The following TTN variants were observed in gnomAD, a reference collection of about 807,000 sequenced individuals.
TTN encodes the protein titin, also known as connectin.
A neutral mutation model predicts 3,223.0 loss-of-function variants in TTN; 1,525 were observed. That is an observed-to-expected ratio of 0.47 (90% confidence interval 0.45 to 0.49). The LOEUF is 0.49. TTN is among the 20% of genes least tolerant of loss of function. The probability of loss-of-function intolerance (pLI) is 0.00; values close to 1 mark genes in which losing one functional copy is unlikely to be tolerated. For synonymous variants in TTN, 14,094 were observed against 15,161.0 expected (o/e 0.93, Z 5.17); for missense variants, 40,786 against 43,424.0 (o/e 0.94, Z 5.40).
At chr2:178,580,796 C>G (rs907354123) in intron 316 of TTN, 187 bp from the exon 317 acceptor site, 2 of 648,302 alleles carry the variant, frequency 3.1e-6, no homozygotes, top group African/African-American at 3.7e-5. Context: ...TTCCATTTTC[C>G]ACTATGCTTT....
chr2:178,769,008 A>G, intron 37 of TTN, 75 bp from the exon 38 acceptor site: 1 of 1,554,310 alleles, frequency 6.4e-7, no homozygotes, highest in Non-Finnish European at 8.8e-7. Flanking sequence ...GGTGCAGAAT[A>G]AAAATTTGGA....
At position 178,683,291 on chromosome 2, in the gene TTN, A is replaced by G; in HGVS notation, c.32807T>C (p.Val10936Ala). 1 of 1,502,380 alleles carries G rather than the reference A, an allele frequency of 6.7e-7. No individual in the cohort carries two copies. The highest frequency in any genetic ancestry group is 9.0e-7 in the Non-Finnish European group (1 of 1,112,558). 93.1% of individuals were successfully genotyped at this position (1,502,380 alleles called of 1,614,324 possible). A position where few individuals can be genotyped will look rare whatever the true frequency, so the allele number is the denominator to read the frequency against. Residue 10936 changes from valine (V) to alanine (A), a missense_variant and splice_region_variant, in exon 134 of 363, where the codon GTG becomes GCG. Physicochemically the swap from Val to Ala is moderately conservative, Grantham distance 64. Coordinates refer to ENST00000589042, the MANE Select transcript of TTN (RefSeq NM_001267550.2). Reference sequence around the variant, plus strand: ...AACCACTCTTTTTCTGAATTCAGTCACTTTAAAGGAGTAATTATTAAAAGT... The same window carrying G: ...AACCACTCTTTTTCTGAATTCAGTCGCTTTAAAGGAGTAATTATTAAAAGT... ...PKREEEPPAK[V>A]TEFRKRVVKE...
chr2:178,607,385 G>A lies in TTN; in HGVS notation c.53287+16C>T. 2 of 1,612,862 alleles carry A rather than the reference G, an allele frequency of 1.2e-6. No homozygotes were observed. Among genetic ancestry groups the A allele is most frequent in the Non-Finnish European group, 1.7e-6 (2 of 1,179,312 alleles). On this transcript the variant is annotated intron_variant, in intron 277 of 362. Coordinates refer to ENST00000589042, the MANE Select transcript of TTN (RefSeq NM_001267550.2). ...ACTTGGGAAAATCCTGTGAAAATCA[G>A]TGCAACATTCCTTACCAAAAACTTC...
At position 178,775,758 on chromosome 2, in the gene TTN, C is replaced by G. The variant is rs1266883762; in HGVS notation, c.6106G>C (p.Asp2036His). The change falls in exon 28 of 363, where the codon GAT becomes CAT. Residue 2036 changes from aspartate to histidine, a missense_variant. Transcript: ENST00000589042. ...TCTTTGGTCCAGTGGAGAAGTTCAT[C>G]TTTTGTCTTCCTGAGGAGTTCCTCA... ...SYEELLRKTK[D>H]ELLHWTKELT... 1 of 1,613,820 alleles carries G rather than the reference C, an allele frequency of 6.2e-7. No individual in the cohort carries two copies.
At position 178,588,123 on chromosome 2, in the gene TTN, G is replaced by A. The variant is rs538105258; in HGVS notation, c.63284C>T (p.Pro21095Leu). The A allele has an allele frequency of 6.2e-6, 10 of 1,612,676 alleles. No homozygotes were observed. The Admixed American group carries it at 6.7e-5, about 11-fold the overall frequency. ...WGKPVYDGGA[P>L]IIGYVVEMRP... ...CATTTCCACAACATATCCAATGATC[G>A]GTGCACCACCATCATAGACTGGTTT... The change falls in exon 305 of 363, where the codon CCG (proline) becomes CTG (leucine). Residue 21095 changes from proline to leucine, a missense_variant. Coordinates refer to ENST00000589042, the MANE Select transcript of TTN (RefSeq NM_001267550.2).
rs1158023438 is a variant in TTN at position 178,607,125 on chromosome 2, C to T, written c.53477G>A (p.Gly17826Asp). The stretch of plus-strand genomic sequence containing the variant: ...CTTATATTCTTGTCCCTCAAGCAGA[C>T]CTGTGATGTCACATTTAGATCTCTC... ...ETERSKCDIT[G>D]LLEGQEYKFR... Residue 17826 changes from glycine (G) to aspartate (D), a missense_variant, in exon 278 of 363, where the codon GGT becomes GAT. Transcript: ENST00000589042. 6.2e-7 allele frequency: 1 copy of T among 1,612,876 alleles called. No homozygotes were observed. Among genetic ancestry groups the T allele is most frequent in the Admixed American group, 1.7e-5 (1 of 59,966 alleles).
chr2:178,565,085 G>A lies in TTN; in HGVS notation c.81047C>T (p.Thr27016Ile). ...SNYIVEKRDTTTTTWHMVSAT... is the reference protein window; with the variant it reads ...SNYIVEKRDTITTTWHMVSAT... The stretch of plus-strand genomic sequence containing the variant: ...TGATACCATGTGCCAAGTGGTGGTG[G>A]TTGTATCTCGCTTCTCTACAATGTA... Residue 27016 changes from threonine to isoleucine, a missense_variant, in exon 326 of 363, where the codon ACC (threonine) becomes ATC (isoleucine). Transcript: ENST00000589042. 6.2e-7 allele frequency: 1 copy of A among 1,613,596 alleles called. No individual in the cohort carries two copies. Among genetic ancestry groups the A allele is most frequent in the Non-Finnish European group, 8.5e-7 (1 of 1,179,642 alleles).
chr2:178,769,694 T>A lies in TTN; in HGVS notation c.8887A>T (p.Thr2963Ser). The change falls in exon 37 of 363, where the codon ACC (threonine) becomes TCC (serine). Residue 2963 changes from threonine (T) to serine (S), a missense_variant. Physicochemically the swap from Thr to Ser is moderately conservative, Grantham distance 58 (BLOSUM62 1). Transcript: ENST00000589042. Reference protein sequence around the residue: ...FVCGNDQVSATLTVTPIMITS... With the variant: ...FVCGNDQVSASLTVTPIMITS... The stretch of plus-strand genomic sequence containing the variant: ...TTTAACTTACGGGTGACTGTCAGGG[T>A]GGCACTGACTTGGTCATTGCCACAG... The A allele has an allele frequency of 6.3e-7, 1 of 1,593,928 alleles. No individual in the cohort carries two copies. Among genetic ancestry groups the A allele is most frequent in the Non-Finnish European group, 8.5e-7 (1 of 1,173,464 alleles).
chr2:178,720,765 C>A, intron 79 of TTN, 102 bp from the exon 80 acceptor site: 2 of 1,378,634 alleles, frequency 1.5e-6, no homozygotes, highest in Non-Finnish European at 1.9e-6. Context: ...GATCATATGA[C>A]AATACATGCT....
chr2:178,554,398 G>A lies in TTN; in HGVS notation c.88894+55C>T, dbSNP rs562667232. 117 of 1,560,338 alleles carry A rather than the reference G, an allele frequency of 7.5e-5. No homozygotes were observed. The Middle Eastern group carries it at 1.7e-3, about 22-fold the overall frequency. On this transcript the variant is annotated intron_variant, in intron 332 of 362. Transcript: ENST00000589042. ...AATTAAAGCATATGCACAGGTTAGC[G>A]TAGTTTATTTTTAAATTTTTCACGT... is the stretch of plus-strand genomic sequence containing the variant.
chr2:178,797,448 G>A (rs1291601841), intron 6 of TTN, among the ~76,000 whole-genome samples: 3 of 151,068 alleles, frequency 2.0e-5, no homozygotes, highest in African/African-American at 7.3e-5. Context: ...CTTTTTTTGT[G>A]TTGCATTTTT....
At position 178,768,732 on chromosome 2, in the gene TTN, G is replaced by C; in HGVS notation, c.9104C>G (p.Ala3035Gly). 6.2e-7 allele frequency: 1 copy of C among 1,614,106 alleles called. No individual in the cohort carries two copies. Among genetic ancestry groups the C allele is most frequent in the Non-Finnish European group, 8.5e-7 (1 of 1,180,008 alleles). Residue 3035 changes from alanine to glycine, a missense_variant, in exon 38 of 363, where the codon GCT becomes GGT. Physicochemically the swap from Ala to Gly is moderately conservative, Grantham distance 60. Coordinates refer to ENST00000589042, the MANE Select transcript of TTN (RefSeq NM_001267550.2). ...TCCAGCCACAAAGGTGTAGTCAGCA[G>C]CATCCCCAAAGTGAACATTCCTGAT... ...LNIRNVHFGD[A>G]ADYTFVAGKA...
chr2:178,688,927 T>C (rs2071579586), intron 125 of TTN, 126 bp downstream of exon 125: 1 of 1,208,930 alleles, frequency 8.3e-7, no homozygotes. Context: ...AACACAAAAG[T>C]TTCACTGCAA....
In TTN at chr2:178,636,278, A is replaced by G. The variant is rs2060428993; in HGVS notation, c.41330-37T>C. 1 of 1,479,472 alleles carries G rather than the reference A, an allele frequency of 6.8e-7. No individual in the cohort carries two copies. The highest frequency in any genetic ancestry group is 1.4e-5 in the South Asian group (1 of 70,286). 91.6% of individuals were successfully genotyped at this position (1,479,472 alleles called of 1,614,324 possible). ...TTCAGTATATATTTCAATAAATACA[A>G]TATTTTCAATGAAATAAAACTTGGA... is the stretch of plus-strand genomic sequence containing the variant. On this transcript the variant is annotated intron_variant, in intron 225 of 362. Transcript: ENST00000589042. This position sits in a 1 kb window ranked among gnomAD's most constrained non-coding sequence, Gnocchi z 4.3.
Position 178,684,748 on chromosome 2 carries a change from C to T in TTN, c.32556G>A (p.Val10852=), listed in dbSNP as rs1039713251. The change falls in exon 131 of 363, where the codon GTG becomes GTA. Residue 10852 remains valine (V), a splice_region_variant and synonymous_variant. Coordinates refer to ENST00000589042, the MANE Select transcript of TTN (RefSeq NM_001267550.2). The stretch of plus-strand genomic sequence containing the variant: ...GAACTGGTTTCTTTGGCTCTTCTGG[C>T]ACTTAAAAGATACCAGGCAATACCA... ...PKKEKVPPPK[V]PEEPKKPVPE... is the part of the protein sequence containing the mutation. The T allele has an allele frequency of 1.2e-6, 2 of 1,613,262 alleles. No homozygotes were observed. Among genetic ancestry groups the T allele is most frequent in the Admixed American group, 1.7e-5 (1 of 59,970 alleles).
In TTN at chr2:178,733,666, C is replaced by T. The variant is rs2080942432; in HGVS notation, c.15723G>A (p.Leu5241=). The change falls in exon 53 of 363, where the codon CTG becomes CTA. Residue 5241 remains leucine, a synonymous_variant. Coordinates refer to ENST00000589042, the MANE Select transcript of TTN (RefSeq NM_001267550.2). ...QISFGGKYTC[L]AENEAGSQTS... ...TTTGGCTTCCAGCTTCATTTTCAGC[C>T]AGGCACGTGTATTTGCCTCCAAAAC... The T allele has an allele frequency of 6.2e-7, 1 of 1,613,108 alleles. No homozygotes were observed. Among genetic ancestry groups the T allele is most frequent in the Non-Finnish European group, 8.5e-7 (1 of 1,179,184 alleles).
chr2:178,660,327 A>G (rs1260444185), intron 180 of TTN, among the ~76,000 whole-genome samples: 3 of 17,894 alleles, frequency 1.7e-4, no homozygotes, highest in Middle Eastern at 6.6e-3. Context: ...GTACCAAAAC[A>G]GAGATATAGA....
chr2:178,604,573 A>C, intron 281 of TTN, 135 bp downstream of exon 281: 1 of 1,016,202 alleles, frequency 9.8e-7, no homozygotes, highest in Non-Finnish European at 1.4e-6. Flanking sequence ...GGGGCTAAAC[A>C]CTACAATAAC....
In TTN at chr2:178,649,284, G is replaced by T; in HGVS notation, c.40021C>A (p.Pro13341Thr). The change falls in exon 213 of 363, where the codon CCT (proline) becomes ACT (threonine). Residue 13341 changes from proline (P) to threonine (T), a missense_variant. Transcript: ENST00000589042. ...AGAACTTCTGGTTTTTTGGTAACAG[G>T]CACAGGTTCTTTCTTTACTGGAACA... is the stretch of plus-strand genomic sequence containing the variant. ...KLVPVKKEPV[P>T]VTKKPEVLPE... 1 of 1,491,774 alleles carries T rather than the reference G, an allele frequency of 6.7e-7. No homozygotes were observed. Among genetic ancestry groups the T allele is most frequent in the Non-Finnish European group, 8.9e-7 (1 of 1,127,262 alleles). The allele number at this position is 1,491,774 out of a possible 1,614,324, so 92.4% of individuals were successfully genotyped here. A position where few individuals can be genotyped will look rare whatever the true frequency, so the allele number is the denominator to read the frequency against.
Sources: gnomAD v4.1 joint callset for allele counts (sites outside exome capture counted in the v4.1 genomes callset) on GRCh38, gnomAD v4.1.1 for gene constraint, Gnocchi (gnomAD v3.1) non-coding constraint, MANE v1.5 for transcripts, NCBI Gene and HGNC (gene_info 2026-07-23, HGNC 2026-07-21) for gene names.